PTPRG: variants seen among roughly 807,000 people sequenced by gnomAD.
The protein encoded by PTPRG is protein tyrosine phosphatase receptor type G.
Under a neutral mutation model 165.3 loss-of-function variants are expected in PTPRG, and 102 were observed. The observed-to-expected ratio is 0.62, with a 90% CI of 0.53 to 0.73. The LOEUF is 0.73. PTPRG is among the 30% of genes least tolerant of loss of function. The probability of loss-of-function intolerance (pLI) is 0.00; values close to 1 mark genes in which losing one functional copy is unlikely to be tolerated. For missense variants in PTPRG, 1,866 were observed against 1,861.4 expected (o/e 1.00, Z -0.05); for synonymous variants, 675 against 669.5 (o/e 1.01, Z -0.13).
chr3:62,150,315 G>A (rs9790019), intron 6 of PTPRG, among the ~76,000 whole-genome samples: 23,590 of 152,200 alleles, frequency 0.15, 2,476 homozygotes, highest in East Asian at 0.34. Context: ...ATCAGAAAGT[G>A]GAAGTGAATG....
chr3:62,269,399 G>A lies in PTPRG; in HGVS notation c.3009+230G>A, dbSNP rs190163058. 1.3e-3 allele frequency among the ~76,000 whole-genome samples: 195 copies of A among 152,192 alleles called. 1 individual carries two copies. Among genetic ancestry groups the A allele is most frequent in the African/African-American group, 4.4e-3 (184 of 41,536 alleles). On this transcript the variant is annotated intron_variant, in intron 20 of 29. Coordinates refer to ENST00000474889, the MANE Select transcript of PTPRG (RefSeq NM_002841.4). ...TGAGCCTTTAATCTCTACATGAACA[G>A]GCTTCATTTTTTAAAAAATCATCCT...
At chr3:62,177,631 C>G (rs935194473) in intron 8 of PTPRG, among the ~76,000 whole-genome samples, 1 of 152,200 alleles carries the variant, frequency 6.6e-6, no homozygotes, top group Non-Finnish European at 1.5e-5. Context: ...CCAGCCCCGT[C>G]TTGTACTTTC....
chr3:61,654,786 T>TTC (rs1702463320), intron 1 of PTPRG, among the ~76,000 whole-genome samples: 1 of 147,328 alleles, frequency 6.8e-6, no homozygotes, highest in South Asian at 2.2e-4. Flanking sequence ...CTTTTTCTTT[T>TTC]TTTTTTTTTT....
At chr3:61,573,973 G>T (rs1700122050) in intron 1 of PTPRG, among the ~76,000 whole-genome samples, 2 of 152,012 alleles carry the variant, frequency 1.3e-5, no homozygotes, top group African/African-American at 4.8e-5. Context: ...CTAATTAGAG[G>T]ACAAATGTCT....
intron 4 of PTPRG, among the ~76,000 whole-genome samples, chr3:62,071,350 A>G (rs958538965): frequency 6.6e-6 from 1 of 152,062 alleles, no homozygotes; most frequent in Admixed American, 6.5e-5. Context: ...TGTTGGGATC[A>G]TTTCCTTTTG....
chr3:61,696,975 T>C (rs1463063201), intron 1 of PTPRG, among the ~76,000 whole-genome samples: 1 of 152,148 alleles, frequency 6.6e-6, no homozygotes, highest in Non-Finnish European at 1.5e-5. Context: ...CTCCTGGAGT[T>C]AGTTATTGGG....
intron 4 of PTPRG, among the ~76,000 whole-genome samples, chr3:62,014,873 C>G (rs576629097): frequency 4.1e-4 from 62 of 152,320 alleles, no homozygotes; most frequent in African/African-American, 1.3e-3. Context: ...CTTATTCTAT[C>G]TAAATTATCT....
At chr3:61,737,473 T>A (rs1032743037) in intron 1 of PTPRG, among the ~76,000 whole-genome samples, 2 of 152,146 alleles carry the variant, frequency 1.3e-5, no homozygotes, top group African/African-American at 4.8e-5. Context: ...AGTTAGGAGC[T>A]ACTTAAGCAG....
Position 61,670,195 on chromosome 3 carries a change from T to G in PTPRG, c.86-78683T>G, listed in dbSNP as rs576811908. Among the ~76,000 whole-genome samples, 4 of 152,324 alleles carry G rather than the reference T, an allele frequency of 2.6e-5. No individual in the cohort carries two copies. In the East Asian group the frequency reaches 7.7e-4, roughly 29 times the overall value. ...TTAGCCGAATCTGAACTGATTGAAT[T>G]GCATTGGGACTCAGTTTGTAGTCAG... On this transcript the variant is annotated intron_variant, in intron 1 of 29. Coordinates refer to ENST00000474889, the MANE Select transcript of PTPRG (RefSeq NM_002841.4).
intron 1 of PTPRG, among the ~76,000 whole-genome samples, chr3:61,693,906 G>T (rs2030384340): frequency 6.6e-6 from 1 of 151,662 alleles, no homozygotes; most frequent in Non-Finnish European, 1.5e-5. Context: ...TACTCGGGAG[G>T]CTGAGGCAGG....
chr3:62,229,329 A>T lies in PTPRG; in HGVS notation c.2289-1896A>T, dbSNP rs796466789. On this transcript the variant is annotated intron_variant, in intron 13 of 29. Transcript: ENST00000474889. The surrounding 1 kb of genome is among the most constrained non-coding windows in gnomAD (Gnocchi z 4.6). ...ATCCCAGGCAACTTTTTGCTCAATAACTGTTTCCCAAATGGCTACTCAGGG... is the reference window on the plus strand; with the variant it reads ...ATCCCAGGCAACTTTTTGCTCAATATCTGTTTCCCAAATGGCTACTCAGGG... 3.3e-5 allele frequency among the ~76,000 whole-genome samples: 5 copies of T among 152,164 alleles called. No individual in the cohort carries two copies. The highest frequency in any genetic ancestry group is 1.2e-4 in the African/African-American group (5 of 41,510).
intron 2 of PTPRG, among the ~76,000 whole-genome samples, chr3:61,778,028 C>A (rs190876088): frequency 6.6e-6 from 1 of 152,140 alleles, no homozygotes; most frequent in Non-Finnish European, 1.5e-5. Flanking sequence ...TAACAGGATA[C>A]TTGGAGGCCT....
intron 3 of PTPRG, 152 bp from the exon 4 acceptor site, chr3:62,003,197 T>C (rs1006115028): frequency 1.2e-5 from 10 of 808,002 alleles, no homozygotes; most frequent in Non-Finnish European, 1.8e-5. Flanking sequence ...AACTAATTTA[T>C]TCAGGCGGGT....
intron 2 of PTPRG, among the ~76,000 whole-genome samples, chr3:61,785,009 C>T (rs1477834976): frequency 6.6e-6 from 1 of 152,128 alleles, no homozygotes; most frequent in African/African-American, 2.4e-5. Context: ...CACTGTCTGT[C>T]ATCATTACGT....
chr3:61,866,582 C>CTTTTTTTTTTTTTTTTTTTTTTTTTT (rs532356516), intron 2 of PTPRG, among the ~76,000 whole-genome samples: 2 of 69,066 alleles, frequency 2.9e-5, no homozygotes, highest in African/African-American at 8.5e-5. Context: ...ACTGTTTGCT[C>CTTTTTTTTTTTTTTTTTTTTTTTTTT]TTTTTTTTTT....
At chr3:61,891,430 C>A (rs947052749) in intron 2 of PTPRG, among the ~76,000 whole-genome samples, 1 of 152,218 alleles carries the variant, frequency 6.6e-6, no homozygotes, top group African/African-American at 2.4e-5. Context: ...CCCTGAAAGA[C>A]AATGTGGAGA....
At chr3:61,966,130 T>C (rs778568049) in intron 2 of PTPRG, among the ~76,000 whole-genome samples, 2 of 152,224 alleles carry the variant, frequency 1.3e-5, no homozygotes, top group Admixed American at 6.5e-5. Context: ...CAACAAGGTC[T>C]TCCATATTGA....
intron 4 of PTPRG, among the ~76,000 whole-genome samples, chr3:62,038,093 G>A (rs1386708871): frequency 6.6e-6 from 1 of 152,134 alleles, no homozygotes; most frequent in Non-Finnish European, 1.5e-5. Flanking sequence ...CTATTATTTG[G>A]ACAAGTTACT....
At chr3:61,734,046 T>A (rs2032625618) in intron 1 of PTPRG, among the ~76,000 whole-genome samples, 1 of 152,216 alleles carries the variant, frequency 6.6e-6, no homozygotes, top group Admixed American at 6.5e-5. Context: ...CTTTCCAAAG[T>A]ACTGCGATTA....
Sources: allele counts gnomAD v4.1 joint callset (sites outside exome capture counted in the v4.1 genomes callset), GRCh38; gene constraint gnomAD v4.1.1; non-coding constraint Gnocchi (gnomAD v3.1); transcripts MANE v1.5; gene names NCBI Gene and HGNC (gene_info 2026-07-23, HGNC 2026-07-21).